SPTBN1: variants seen among roughly 807,000 people sequenced by gnomAD.
SPTBN1 encodes spectrin beta chain, non-erythrocytic 1.
In SPTBN1, 32 loss-of-function variants were observed where a neutral mutation model predicts 266.4. The observed-to-expected ratio is 0.12, with a 90% CI of 0.09 to 0.16. SPTBN1 has a LOEUF of 0.16. Among genes scored for constraint, SPTBN1 ranks in the 10% least tolerant of loss-of-function variants. SPTBN1 has a pLI of 1.00. For missense variants in SPTBN1, 2,296 were observed against 3,067.1 expected, an observed-to-expected ratio of 0.75 and a Z score of 5.94; for synonymous variants, 1,336 against 1,162.2, an observed-to-expected ratio of 1.15 and a Z score of -3.04.
At chr2:54,582,633 C>T (rs1201763520) in intron 2 of SPTBN1, among the ~76,000 whole-genome samples, 1 of 151,000 alleles carries the variant, frequency 6.6e-6, no homozygotes, top group Non-Finnish European at 1.5e-5. Context: ...TTACGTAAAA[C>T]TCCCATTTCG....
chr2:54,562,564 G>T (rs1673380893), intron 2 of SPTBN1, among the ~76,000 whole-genome samples: 2 of 118,368 alleles, frequency 1.7e-5, no homozygotes, highest in South Asian at 5.2e-4. Flanking sequence ...GTCTGCTTCT[G>T]TTGCTCAGGC....
chr2:54,620,539 C>T (rs541881660), intron 7 of SPTBN1, among the ~76,000 whole-genome samples: 1 of 152,256 alleles, frequency 6.6e-6, no homozygotes, highest in Non-Finnish European at 1.5e-5. Context: ...ATTTCACCTC[C>T]TTAGGAGGCT....
chr2:54,633,988 A>G (rs1305019022), intron 17 of SPTBN1, among the ~76,000 whole-genome samples: 1 of 152,258 alleles, frequency 6.6e-6, no homozygotes, highest in Non-Finnish European at 1.5e-5. Context: ...TGCAAAAAAG[A>G]AAAATAAATC....
At chr2:54,660,311 T>G in intron 32 of SPTBN1, 1 of 1,301,194 alleles carries the variant, frequency 7.7e-7, no homozygotes, top group South Asian at 2.2e-5. Context: ...GCTTTTTACT[T>G]TATTAAGATT....
chr2:54,630,921 G>A lies in SPTBN1; in HGVS notation c.2874G>A (p.Gln958=). The change falls in exon 16 of 36, where the codon CAG becomes CAA. Residue 958 remains glutamine, a synonymous_variant. Transcript: ENST00000356805. Reference sequence around the variant, plus strand: ...CCCTCCTGTCTGCCCTGAGCATCCAGAACTACCACCTCGAGTGCAATGAAA... The same window carrying A: ...CCCTCCTGTCTGCCCTGAGCATCCAAAACTACCACCTCGAGTGCAATGAAA... ...KDALLSALSI[Q]NYHLECNETK... is the part of the protein sequence containing the mutation. The A allele has an allele frequency of 1.2e-6, 2 of 1,613,840 alleles. No individual in the cohort carries two copies. The highest frequency in any genetic ancestry group is 2.2e-5 in the South Asian group (2 of 91,004).
In SPTBN1 at chr2:54,628,160, C is replaced by G. The variant is rs780887183; in HGVS notation, c.1708C>G (p.His570Asp). Residue 570 changes from histidine (H) to aspartate (D), a missense_variant, in exon 13 of 36, where the codon CAC becomes GAC. Coordinates refer to ENST00000356805, the MANE Select transcript of SPTBN1 (RefSeq NM_003128.3). The surrounding 1 kb of genome is among the most constrained non-coding windows in gnomAD (Gnocchi z 4.3). ...LLGVEDLLQK[H>D]TLVEADIGIQ... is the part of the protein sequence containing the mutation. ...TGGTGTGGAAGACCTGTTACAGAAG[C>G]ACACCCTGGTTGAAGCAGACATTGG... The G allele has an allele frequency of 6.2e-7, 1 of 1,614,086 alleles. No individual in the cohort carries two copies. The highest frequency in any genetic ancestry group is 8.5e-7 in the Non-Finnish European group (1 of 1,179,954).
chr2:54,487,170 CTTTTTTT>C (rs34779689), intron 1 of SPTBN1, among the ~76,000 whole-genome samples: 20 of 98,570 alleles, frequency 2.0e-4, no homozygotes, highest in South Asian at 3.3e-4. Context: ...ATTAGGATTT[CTTTTTTT>C]TTTTTTTTTT....
chr2:54,477,400 CT>C (rs34731938), intron 1 of SPTBN1, among the ~76,000 whole-genome samples: 26,072 of 142,782 alleles, frequency 0.18, 2,426 homozygotes, highest in South Asian at 0.25. Context: ...GTGGCATTAC[CT>C]TTTTTTTTTT....
intron 2 of SPTBN1, chr2:54,557,973 T>G: frequency 1.0e-6 from 1 of 982,016 alleles, no homozygotes; most frequent in Non-Finnish European, 1.2e-6. Context: ...CCGCGTTACC[T>G]CAGCAGACGC....
At chr2:54,665,117 A>T (rs562140187) in intron 33 of SPTBN1, among the ~76,000 whole-genome samples, 66 of 152,284 alleles carry the variant, frequency 4.3e-4, no homozygotes, top group Middle Eastern at 3.4e-3. Context: ...TATTTAACAG[A>T]TGGGGAACAG....
At chr2:54,505,405 AAAC>A (rs1418800856) in intron 1 of SPTBN1, among the ~76,000 whole-genome samples, 6 of 152,182 alleles carry the variant, frequency 3.9e-5, no homozygotes, top group African/African-American at 9.7e-5. Context: ...TGTGCTGTGA[AAAC>A]AACAACAATA....
chr2:54,631,711 T>TGG (rs1678743549), intron 16 of SPTBN1, 100 bp downstream of exon 16: 1 of 1,389,606 alleles, frequency 7.2e-7, no homozygotes, highest in African/African-American at 1.4e-5. Flanking sequence ...CACACCTGTA[T>TGG]GGAATTATAT....
chr2:54,566,066 T>G (rs1295920163), intron 2 of SPTBN1, among the ~76,000 whole-genome samples: 1 of 152,234 alleles, frequency 6.6e-6, no homozygotes, highest in Non-Finnish European at 1.5e-5. Context: ...TTTAGCCACT[T>G]GTAGATCCTA....
intron 1 of SPTBN1, among the ~76,000 whole-genome samples, chr2:54,464,216 A>G (rs1334761887): frequency 2.6e-5 from 4 of 152,246 alleles, no homozygotes; most frequent in African/African-American, 9.6e-5. Context: ...ACAATTAAAA[A>G]TAAGGACAAG....
At chr2:54,591,467 A>G (rs1283919691) in intron 2 of SPTBN1, among the ~76,000 whole-genome samples, 1 of 152,238 alleles carries the variant, frequency 6.6e-6, no homozygotes, top group Non-Finnish European at 1.5e-5. Flanking sequence ...GCACAATTGA[A>G]GAGCCTGATA....
At chr2:54,644,633 GCCA>G in intron 20 of SPTBN1, 47 bp downstream of exon 20, 1 of 1,560,014 alleles carries the variant, frequency 6.4e-7, no homozygotes, top group Non-Finnish European at 8.7e-7. Flanking sequence ...CTGTTTTACA[GCCA>G]TAGTCCTTAG....
intron 2 of SPTBN1, among the ~76,000 whole-genome samples, chr2:54,589,736 G>A (rs1675544425): frequency 6.6e-6 from 1 of 152,198 alleles, no homozygotes; most frequent in Non-Finnish European, 1.5e-5. Context: ...GCTGCCTCAA[G>A]ATAACAGTTG....
intron 34 of SPTBN1, among the ~76,000 whole-genome samples, chr2:54,667,020 C>T (rs902975713): frequency 6.6e-6 from 1 of 152,222 alleles, no homozygotes; most frequent in Admixed American, 6.5e-5. Context: ...CGAACGGCCC[C>T]TACCCTGTGT....
intron 16 of SPTBN1, among the ~76,000 whole-genome samples, 179 bp downstream of exon 16, chr2:54,631,790 GA>G (rs780710380): frequency 6.6e-6 from 1 of 152,192 alleles, no homozygotes; most frequent in Non-Finnish European, 1.5e-5. Context: ...CGTTGTAGGG[GA>G]CAGGAATTGA....
Sources: allele counts gnomAD v4.1 joint callset (sites outside exome capture counted in the v4.1 genomes callset), GRCh38; gene constraint gnomAD v4.1.1; non-coding constraint Gnocchi (gnomAD v3.1); transcripts MANE v1.5; gene names NCBI Gene and HGNC (gene_info 2026-07-23, HGNC 2026-07-21).